The following ACTR3C variants were observed in gnomAD, a reference collection of about 807,000 sequenced individuals.
ACTR3C encodes the protein actin related protein 3C.
In ACTR3C, 18 loss-of-function variants were observed where a neutral mutation model predicts 26.3. The observed-to-expected ratio is 0.68, with a 90% CI of 0.47 to 1.01. ACTR3C has a LOEUF of 1.01. ACTR3C is among the 50% of genes least tolerant of loss of function. ACTR3C has a pLI of 0.00. For missense variants in ACTR3C, 184 were observed against 250.7 expected (o/e 0.73, Z 1.80); for synonymous variants, 55 against 94.5 (o/e 0.58, Z 2.42).
chr7:149,900,383 G>A, the ACTR3C span, among the ~76,000 whole-genome samples: 1 of 151,960 alleles, frequency 6.6e-6, no homozygotes, highest in South Asian at 2.1e-4. Flanking sequence ...CACCATGTTG[G>A]CCAGGATGGT....
At chr7:150,090,004 A>C in the ACTR3C span, among the ~76,000 whole-genome samples, 2 of 152,250 alleles carry the variant, frequency 1.3e-5, no homozygotes, top group Non-Finnish European at 2.9e-5. Context: ...TGTATAAATA[A>C]ATTAAAAAGG....
At chr7:150,163,746 G>A in the ACTR3C span, among the ~76,000 whole-genome samples, 550 of 151,996 alleles carry the variant, frequency 3.6e-3, 2 homozygotes, top group African/African-American at 0.012. Flanking sequence ...AGATGACGTG[G>A]AGCATCCCCG....
the ACTR3C span, among the ~76,000 whole-genome samples, chr7:150,090,399 G>A: frequency 1.3e-5 from 2 of 152,226 alleles, no homozygotes; most frequent in Non-Finnish European, 2.9e-5. Context: ...CATGTTTGCT[G>A]AGGCAGATTT....
chr7:150,018,912 GGT>G, the ACTR3C span, among the ~76,000 whole-genome samples: 17 of 147,908 alleles, frequency 1.1e-4, no homozygotes, highest in East Asian at 1.6e-3. Context: ...GCCTTAAAAT[GGT>G]GTGTGTGTGT....
At chr7:149,969,753 C>A in the ACTR3C span, among the ~76,000 whole-genome samples, 1 of 152,100 alleles carries the variant, frequency 6.6e-6, no homozygotes, top group Non-Finnish European at 1.5e-5. Flanking sequence ...ATAAAATGCC[C>A]AAACCATATC....
the ACTR3C span, among the ~76,000 whole-genome samples, chr7:149,906,581 G>T: frequency 6.6e-6 from 1 of 151,436 alleles, no homozygotes; most frequent in East Asian, 1.9e-4. Context: ...ACAGGCACCC[G>T]CCACCATCCC....
chr7:150,304,421 T>C (rs1389791190), intron 1 of ACTR3C, among the ~76,000 whole-genome samples: 3 of 152,160 alleles, frequency 2.0e-5, no homozygotes, highest in African/African-American at 7.2e-5. Context: ...ATCTCTAAAA[T>C]ACCAAGGATG....
chr7:150,012,317 C>CTTTTTTTTTTTTTTTTT, the ACTR3C span, among the ~76,000 whole-genome samples: 156 of 131,238 alleles, frequency 1.2e-3, 36 homozygotes, highest in African/African-American at 3.1e-3. Context: ...ATAAATGCAT[C>CTTTTTTTTTTTTTTTTT]TTTTTTTTTT....
chr7:150,196,076 A>G, the ACTR3C span, among the ~76,000 whole-genome samples: 3 of 152,218 alleles, frequency 2.0e-5, no homozygotes, highest in Non-Finnish European at 2.9e-5. Context: ...ACACAAATGC[A>G]CTTATATTGG....
the ACTR3C span, among the ~76,000 whole-genome samples, chr7:150,197,902 G>C: frequency 2.8e-5 from 4 of 144,546 alleles, no homozygotes; most frequent in Admixed American, 2.1e-4. Flanking sequence ...CCTCTCATGC[G>C]GAGCCGAAGC....
At chr7:149,945,410 C>T in the ACTR3C span, among the ~76,000 whole-genome samples, 6 of 152,112 alleles carry the variant, frequency 3.9e-5, no homozygotes, top group South Asian at 2.1e-4. Context: ...GCATTGATGG[C>T]GGGGCATTGC....
chr7:150,002,904 C>T, the ACTR3C span: 1 of 152,158 alleles, frequency 6.6e-6, no homozygotes, highest in South Asian at 2.1e-4. Flanking sequence ...CACACAGGAC[C>T]CAGGGTGGGA....
At chr7:150,136,703 T>TAAATAAATAAAC in the ACTR3C span, among the ~76,000 whole-genome samples, 3 of 151,504 alleles carry the variant, frequency 2.0e-5, no homozygotes, top group African/African-American at 7.3e-5. Context: ...AATAAATAAA[T>TAAATAAATAAAC]GGTAAAAAGA....
At chr7:150,068,110 A>T in the ACTR3C span, among the ~76,000 whole-genome samples, 1 of 152,222 alleles carries the variant, frequency 6.6e-6, no homozygotes, top group Non-Finnish European at 1.5e-5. Flanking sequence ...TGTATTTAAA[A>T]CACAGGAGTT....
At chr7:150,034,970 T>TGC in the ACTR3C span, among the ~76,000 whole-genome samples, 1 of 86,010 alleles carries the variant, frequency 1.2e-5, no homozygotes, top group South Asian at 4.1e-4. Flanking sequence ...CAGTCCCCAC[T>TGC]CTCGTGGGGG....
At chr7:150,133,187 C>T in the ACTR3C span, among the ~76,000 whole-genome samples, 2 of 152,136 alleles carry the variant, frequency 1.3e-5, no homozygotes, top group African/African-American at 4.8e-5. Context: ...GAGAGAGACA[C>T]TGATGTTAGG....
At chr7:150,120,749 A>G in the ACTR3C span, among the ~76,000 whole-genome samples, 1 of 152,216 alleles carries the variant, frequency 6.6e-6, no homozygotes, top group Non-Finnish European at 1.5e-5. Context: ...GGCCAGCATC[A>G]TCCTGATACC....
chr7:150,317,581 T>C (rs886893929), intron 1 of ACTR3C, among the ~76,000 whole-genome samples: 2 of 152,156 alleles, frequency 1.3e-5, no homozygotes, highest in Non-Finnish European at 2.9e-5. Flanking sequence ...TAACTAGTGG[T>C]GTTGACTAAA....
chr7:150,292,317 T>C (rs928693239), intron 3 of ACTR3C, among the ~76,000 whole-genome samples: 2 of 152,158 alleles, frequency 1.3e-5, no homozygotes, highest in Non-Finnish European at 2.9e-5. Flanking sequence ...CTTCAGACAC[T>C]TCTGATACAT....
Sources: allele counts gnomAD v4.1 joint callset (sites outside exome capture counted in the v4.1 genomes callset), GRCh38; gene constraint gnomAD v4.1.1; transcripts MANE v1.5; gene names NCBI Gene and HGNC (gene_info 2026-07-23, HGNC 2026-07-21).